TTYH2: variants seen among roughly 807,000 people sequenced by gnomAD.
TTYH2 encodes the protein tweety family member 2.
TTYH2 carries 49 observed loss-of-function variants against 68.3 expected under a neutral mutation model. That is an observed-to-expected ratio of 0.72 (90% CI 0.57 to 0.91). The LOEUF is 0.91. Ranked by LOEUF, TTYH2 falls within the 40% of genes least tolerant of loss-of-function variation. The pLI, the probability that TTYH2 is intolerant of heterozygous loss-of-function variation, is 0.00. For synonymous variants in TTYH2, 272 were observed against 300.8 expected (o/e 0.90, Z 0.99); for missense variants, 631 against 700.4 (o/e 0.90, Z 1.12).
At chr17:74,221,207 G>T (rs1309403966) in intron 1 of TTYH2, among the ~76,000 whole-genome samples, 2 of 152,224 alleles carry the variant, frequency 1.3e-5, no homozygotes, top group African/African-American at 2.4e-5. Flanking sequence ...TCAGCCAAGA[G>T]TGACCAGCAG....
chr17:74,257,896 G>C (rs1161742425), intron 13 of TTYH2, among the ~76,000 whole-genome samples: 1 of 152,148 alleles, frequency 6.6e-6, no homozygotes, highest in Non-Finnish European at 1.5e-5. Flanking sequence ...CCTCATGCCT[G>C]TAATCCCAGC....
rs986316068 is a variant in TTYH2 at position 74,217,355 on chromosome 17, C to T, written c.129+3639C>T. ...TTTTGTATTTAGGCATGTATTTCCA[C>T]GTGTTCTCTCATTGGTTGGTTCCGT... On this transcript the variant is annotated intron_variant, in intron 1 of 13. Coordinates refer to ENST00000269346, the MANE Select transcript of TTYH2 (RefSeq NM_032646.6). The surrounding 1 kb of genome is among the most constrained non-coding windows in gnomAD (Gnocchi z 4.0). Among the ~76,000 whole-genome samples the T allele has an allele frequency of 2.6e-5, 4 of 152,174 alleles. No individual in the cohort carries two copies. The highest frequency in any genetic ancestry group is 2.0e-4 in the Admixed American group (3 of 15,278).
chr17:74,256,395 G>A (rs956434607), intron 13 of TTYH2, among the ~76,000 whole-genome samples: 1 of 152,080 alleles, frequency 6.6e-6, no homozygotes, highest in Non-Finnish European at 1.5e-5. Flanking sequence ...ATGCCCATAG[G>A]TTATGGGGCC....
At chr17:74,227,013 C>T (rs1015677017) in intron 2 of TTYH2, among the ~76,000 whole-genome samples, 5 of 152,098 alleles carry the variant, frequency 3.3e-5, no homozygotes, top group African/African-American at 7.2e-5. Context: ...CTCACTCTGT[C>T]GCCCAGGCTG....
chr17:74,260,354 C>A lies in TTYH2; in HGVS notation c.*145C>A, dbSNP rs1015996422. On this transcript the variant is annotated 3_prime_UTR_variant, in exon 14 of 14. Transcript: ENST00000269346. ...GCAGAGGAGCAGCTGGGATTCCCGA[C>A]CAAAGCCCCAGGGGGTGCAGAAGAC... 5 of 801,622 alleles carry A rather than the reference C, an allele frequency of 6.2e-6. No individual in the cohort carries two copies. The African/African-American group carries it at 6.8e-5, about 11-fold the overall frequency. The allele number at this position is 801,622 out of a possible 1,614,324, so 49.7% of individuals were successfully genotyped here.
chr17:74,253,981 C>A, intron 13 of TTYH2, 148 bp downstream of exon 13: 1 of 787,690 alleles, frequency 1.3e-6, no homozygotes. Context: ...GTGGGTATCC[C>A]AGGCAGTCCG....
intron 6 of TTYH2, among the ~76,000 whole-genome samples, chr17:74,247,075 G>A (rs761519499): frequency 6.6e-5 from 10 of 151,670 alleles, no homozygotes; most frequent in South Asian, 2.1e-4. Context: ...TCAGCTACTC[G>A]GGAGACTGAG....
chr17:74,237,417 A>T lies in TTYH2; in HGVS notation c.538A>T (p.Ser180Cys). 1 of 1,614,170 alleles carries T rather than the reference A, an allele frequency of 6.2e-7. No homozygotes were observed. Among genetic ancestry groups the T allele is most frequent in the Non-Finnish European group, 8.5e-7 (1 of 1,180,032 alleles). ...GAAGTTCATACAGCAGATGGCGGGC[A>T]GCGTTGTTGTTCAGCTCTCAGGACT... ...TLKFIQQMAG[S>C]VVVQLSGLPV... The change falls in exon 4 of 14, where the codon AGC becomes TGC. Residue 180 changes from serine (S) to cysteine (C), a missense_variant. Coordinates refer to ENST00000269346, the MANE Select transcript of TTYH2 (RefSeq NM_032646.6).
rs35999669 is a variant in TTYH2, at chr17:74,244,038, T to A, written c.793T>A (p.Ser265Thr). The change falls in exon 6 of 14, where the codon TCT (serine) becomes ACT (threonine). Residue 265 changes from serine to threonine, a missense_variant. By Grantham distance (58) the Ser-to-Thr change is moderately conservative. Transcript: ENST00000269346. ...LSWASLAADG[S>T]AAVATSDFCV... ...TTGGGCATCCCTGGCCGCTGATGGC[T>A]CTGCGGCAGTGGTGAGTTGGGGGAG... 3.1e-6 allele frequency: 5 copies of A among 1,611,210 alleles called. No homozygotes were observed. In the Admixed American group the frequency reaches 5.0e-5, roughly 16 times the overall value.
Position 74,215,833 on chromosome 17 carries a change from G to A in TTYH2, c.129+2117G>A. 2 of 1,007,880 alleles carry A rather than the reference G, an allele frequency of 2.0e-6. No homozygotes were observed. Among genetic ancestry groups the A allele is most frequent in the Admixed American group, 2.1e-5 (1 of 47,684 alleles). The allele number at this position is 1,007,880 out of a possible 1,614,324, so 62.4% of individuals were successfully genotyped here. A position where few individuals can be genotyped will look rare whatever the true frequency, so the allele number is the denominator to read the frequency against. ...CCAGTCTTCAGCAAGCTTGACTGGA[G>A]CAAGTGCTATGCCAGGCGTGGGGTG... On this transcript the variant is annotated intron_variant, in intron 1 of 13. Transcript: ENST00000269346. The surrounding 1 kb of genome is among the most constrained non-coding windows in gnomAD (Gnocchi z 4.3).
intron 3 of TTYH2, among the ~76,000 whole-genome samples, chr17:74,231,917 G>A (rs940502537): frequency 6.6e-5 from 10 of 152,140 alleles, no homozygotes; most frequent in African/African-American, 1.9e-4. Context: ...TTTTGCTGGG[G>A]CTGCCACCCC....
At chr17:74,227,027 T>C (rs974091053) in intron 2 of TTYH2, among the ~76,000 whole-genome samples, 1 of 152,126 alleles carries the variant, frequency 6.6e-6, no homozygotes, top group African/African-American at 2.4e-5. Flanking sequence ...CAGGCTGGAG[T>C]GCAGTGGCAC....
chr17:74,236,941 G>C (rs1015119120), intron 3 of TTYH2, among the ~76,000 whole-genome samples: 11 of 150,074 alleles, frequency 7.3e-5, no homozygotes, highest in Non-Finnish European at 1.2e-4. Flanking sequence ...TTGTCGCCCA[G>C]GCTGGAGTGC....
In TTYH2 at chr17:74,230,998, T is replaced by G. The variant is rs2143737280; in HGVS notation, c.413T>G (p.Leu138Arg). ...CACACCTTCTCTGGGATCGATGCTC[T>G]GGTAAGGCTCCCGGGCAGCTGGCCG... ...ANHTFSGIDA[L>R]VSGTTQKMKV... Residue 138 changes from leucine (L) to arginine (R), a missense_variant and splice_region_variant, in exon 3 of 14, where the codon CTG becomes CGG. Coordinates refer to ENST00000269346, the MANE Select transcript of TTYH2 (RefSeq NM_032646.6). 1 of 1,613,690 alleles carries G rather than the reference T, an allele frequency of 6.2e-7. No individual in the cohort carries two copies. Among genetic ancestry groups the G allele is most frequent in the East Asian group, 2.2e-5 (1 of 44,878 alleles).
intron 6 of TTYH2, among the ~76,000 whole-genome samples, chr17:74,244,286 T>C (rs1213257980): frequency 2.6e-5 from 4 of 152,224 alleles, no homozygotes; most frequent in Non-Finnish European, 5.9e-5. Context: ...TCATGCTTCA[T>C]ACCCAGAGAG....
chr17:74,252,047 C>G, intron 10 of TTYH2, 187 bp from the exon 11 acceptor site: 1 of 680,758 alleles, frequency 1.5e-6, no homozygotes, highest in African/African-American at 1.8e-5. Flanking sequence ...CAGCGTGAAC[C>G]CAAGAAGCCC....
chr17:74,253,020 C>T (rs2050651422), intron 11 of TTYH2, 61 bp from the exon 12 acceptor site: 1 of 1,574,854 alleles, frequency 6.3e-7, no homozygotes, highest in Admixed American at 1.8e-5. Flanking sequence ...AGGACAGGAC[C>T]TGGCTGCCTC....
chr17:74,253,408 G>GC, intron 12 of TTYH2, 142 bp downstream of exon 12: 1 of 1,021,742 alleles, frequency 9.8e-7, no homozygotes, highest in Non-Finnish European at 1.4e-6. Context: ...TGGAGGGAAG[G>GC]CCCCCGGGGA....
intron 12 of TTYH2, 29 bp from the exon 13 acceptor site, chr17:74,253,726 C>T: frequency 6.2e-7 from 1 of 1,611,748 alleles, no homozygotes; most frequent in Non-Finnish European, 8.5e-7. Flanking sequence ...CACACCATCC[C>T]CTCCTGAGCT....
Sources: allele counts gnomAD v4.1 joint callset (sites outside exome capture counted in the v4.1 genomes callset), GRCh38; gene constraint gnomAD v4.1.1; non-coding constraint Gnocchi (gnomAD v3.1); transcripts MANE v1.5; gene names NCBI Gene and HGNC (gene_info 2026-07-23, HGNC 2026-07-21).